CAPRIN2: variants seen among roughly 807,000 people sequenced by gnomAD.
CAPRIN2 encodes the protein caprin family member 2, also known as caprin-2.
A neutral mutation model predicts 130.4 loss-of-function variants in CAPRIN2; 66 were observed. The observed-to-expected ratio is 0.51, with a 90% CI of 0.42 to 0.62. The LOEUF (loss-of-function observed/expected upper bound fraction) is 0.62. CAPRIN2 is among the 20% of genes least tolerant of loss of function. The pLI, the probability that CAPRIN2 is intolerant of heterozygous loss-of-function variation, is 0.00. For missense variants in CAPRIN2, 1,185 were observed against 1,246.6 expected (o/e 0.95, Z 0.74); for synonymous variants, 471 against 444.1 (o/e 1.06, Z -0.76).
At chr12:30,718,267 T>A (rs892357113) in intron 12 of CAPRIN2, among the ~76,000 whole-genome samples, 1 of 152,008 alleles carries the variant, frequency 6.6e-6, no homozygotes, top group Non-Finnish European at 1.5e-5. Context: ...AGGAAAAGAG[T>A]GAAAGCAAGG....
intron 2 of CAPRIN2, among the ~76,000 whole-genome samples, chr12:30,741,703 G>A (rs1341752783): frequency 1.3e-5 from 2 of 152,052 alleles, no homozygotes; most frequent in African/African-American, 4.8e-5. Context: ...GAAGAGAAAG[G>A]ACCAATCTGA....
At chr12:30,754,205 T>A (rs556104037) in exon 1 of CAPRIN2, 1 of 158,796 alleles carries the variant, frequency 6.3e-6, no homozygotes, top group Non-Finnish European at 1.4e-5. Context: ...TCTCTCAACC[T>A]GCAGGAACCC....
At chr12:30,753,159 C>T (rs1380858287) in intron 1 of CAPRIN2, among the ~76,000 whole-genome samples, 185 bp downstream of exon 2, 1 of 152,090 alleles carries the variant, frequency 6.6e-6, no homozygotes, top group Admixed American at 6.5e-5. Flanking sequence ...ATTTTTATTC[C>T]GTTGTTTTGA....
chr12:30,753,579 G>C lies in CAPRIN2; in HGVS notation c.185C>G (p.Ser62Ter). ...AGGTGACTGGTAACCAAAAGGGGAT[G>C]AAAAGAGTTGCACCATTGAAACAGA... is the stretch of plus-strand genomic sequence containing the variant. Residue 62 changes from serine (S) to a stop codon, truncating the protein, a stop_gained, in exon 1 of 17, where the codon TCA (serine) becomes TGA (stop). Coordinates refer to ENST00000298892, the Ensembl canonical transcript of CAPRIN2. LOFTEE classifies it high-confidence loss of function. 1 of 1,614,148 alleles carries C rather than the reference G, an allele frequency of 6.2e-7. No homozygotes were observed. The highest frequency in any genetic ancestry group is 8.5e-7 in the Non-Finnish European group (1 of 1,180,032).
At chr12:30,720,706 G>C (rs1565576759) in intron 12 of CAPRIN2, 105 bp downstream of exon 13, 3 of 705,106 alleles carry the variant, frequency 4.3e-6, no homozygotes, top group East Asian at 5.1e-5. Flanking sequence ...CATTAATAAA[G>C]TATAAATGTT....
chr12:30,734,022 A>G (rs1367669298), intron 4 of CAPRIN2, among the ~76,000 whole-genome samples: 1 of 152,248 alleles, frequency 6.6e-6, no homozygotes, highest in Non-Finnish European at 1.5e-5. Flanking sequence ...TATGCCCTAC[A>G]TAAAAGAACA....
chr12:30,719,268 A>G (rs763393630), intron 12 of CAPRIN2, 43 bp from the exon 14 acceptor site: 26 of 1,608,400 alleles, frequency 1.6e-5, no homozygotes, highest in Non-Finnish European at 2.2e-5. Flanking sequence ...CCTGCCATAT[A>G]ACAAGCAGTT....
At chr12:30,723,741 T>C (rs1290401137) in intron 10 of CAPRIN2, among the ~76,000 whole-genome samples, 1 of 152,238 alleles carries the variant, frequency 6.6e-6, no homozygotes, top group Admixed American at 6.5e-5. Flanking sequence ...AACATACTTT[T>C]CAATTATATA....
At chr12:30,743,897 C>A (rs1819122935) in intron 2 of CAPRIN2, among the ~76,000 whole-genome samples, 1 of 152,156 alleles carries the variant, frequency 6.6e-6, no homozygotes, top group Non-Finnish European at 1.5e-5. Flanking sequence ...GGTGATATTT[C>A]TATCGGCTAA....
exon 8 of CAPRIN2, chr12:30,728,768 A>G: frequency 6.2e-7 from 1 of 1,613,782 alleles, no homozygotes; most frequent in Non-Finnish European, 8.5e-7. Context: ...AGTGTTTTTG[A>G]CTCTCAACAT....
intron 12 of CAPRIN2, among the ~76,000 whole-genome samples, chr12:30,718,549 A>AT (rs1565566084): frequency 6.6e-6 from 1 of 152,194 alleles, no homozygotes; most frequent in African/African-American, 2.4e-5. Context: ...CTGTAATATT[A>AT]TTTTTTTAAA....
At chr12:30,730,127 A>C in intron 7 of CAPRIN2, 112 bp downstream of exon 8, 1 of 813,886 alleles carries the variant, frequency 1.2e-6, no homozygotes, top group Non-Finnish European at 2.0e-6. Flanking sequence ...AGTAAACTGC[A>C]GAACCAGGGT....
intron 9 of CAPRIN2, 65 bp from the exon 11 acceptor site, chr12:30,724,516 G>T: frequency 9.3e-7 from 1 of 1,074,392 alleles, no homozygotes; most frequent in South Asian, 1.3e-5. Flanking sequence ...TATTACCATT[G>T]AATTATTCAT....
intron 13 of CAPRIN2, chr12:30,715,789 G>GT (rs1279441171): frequency 1.0e-5 from 2 of 191,860 alleles, no homozygotes; most frequent in South Asian, 8.7e-5. Context: ...TATCCCTTAC[G>GT]TAAGTCACCT....
chr12:30,731,528 A>C lies in CAPRIN2; in HGVS notation c.893-18T>G. On this transcript the variant is annotated intron_variant, in intron 5 of 16. Transcript: ENST00000298892. ...GTGTTTGTCTAAGAAAGAGTGATTA[A>C]GACTTAATTGTCACATGACCTAATT... The C allele has an allele frequency of 6.3e-7, 1 of 1,599,904 alleles. No individual in the cohort carries two copies. Among genetic ancestry groups the C allele is most frequent in the East Asian group, 2.2e-5 (1 of 44,690 alleles).
At chr12:30,719,471 G>GGGCT in intron 12 of CAPRIN2, 1 of 429,896 alleles carries the variant, frequency 2.3e-6, no homozygotes, top group Non-Finnish European at 4.1e-6. Flanking sequence ...AACAGATGAG[G>GGGCT]GGCTGAACTT....
At chr12:30,720,698 T>A in intron 12 of CAPRIN2, 113 bp downstream of exon 13, 3 of 667,124 alleles carry the variant, frequency 4.5e-6, no homozygotes, top group Admixed American at 5.1e-5. Flanking sequence ...AAGCAATACA[T>A]TAATAAAGTA....
At chr12:30,753,468 C>A (rs1327177823) in exon 1 of CAPRIN2, 11 of 1,614,148 alleles carry the variant, frequency 6.8e-6, no homozygotes, top group Non-Finnish European at 9.3e-6. Context: ...GCTCAAGGCC[C>A]GCTGGCTTTC....
Position 30,741,184 on chromosome 12 carries a change from A to T in CAPRIN2, c.484-78T>A. The T allele has an allele frequency of 3.8e-6, 3 of 793,986 alleles. No individual in the cohort carries two copies. In the South Asian group the frequency reaches 6.0e-5, roughly 16 times the overall value. 49.2% of individuals were successfully genotyped at this position (793,986 alleles called of 1,614,324 possible). A position where few individuals can be genotyped will look rare whatever the true frequency, so the allele number is the denominator to read the frequency against. On this transcript the variant is annotated intron_variant, in intron 2 of 16. Coordinates refer to ENST00000298892, the Ensembl canonical transcript of CAPRIN2. ...TGTGAAAATAATGTTTCTTAAATAC[A>T]GTAGAAGAGATTTAAGATCTTATGG...
Sources: gnomAD v4.1 joint callset for allele counts (sites outside exome capture counted in the v4.1 genomes callset) on GRCh38, gnomAD v4.1.1 for gene constraint, MANE v1.5 for transcripts, NCBI Gene and HGNC (gene_info 2026-07-23, HGNC 2026-07-21) for gene names.